IQCH: variants seen among roughly 807,000 people sequenced by gnomAD.
IQCH encodes the protein IQ motif containing H, also known as IQ domain-containing protein H.
In IQCH, 98 loss-of-function variants were observed where a neutral mutation model predicts 117.0. The ratio of observed to expected loss-of-function variants is 0.84; its 90% confidence interval spans 0.71 to 0.99. The LOEUF is 0.99. Ranked by LOEUF, IQCH falls within the 50% of genes least tolerant of loss-of-function variation. The pLI is 0.00. For synonymous variants in IQCH, 412 were observed against 448.2 expected (o/e 0.92, Z 1.02); for missense variants, 1,102 against 1,243.8 (o/e 0.89, Z 1.72).
rs1971679595 is a variant in IQCH at position 67,401,972 on chromosome 15, T to G, written c.2097+1667T>G. ...AAGTGTTAATGTGCAAAGTATTTGT[T>G]GGCTTCAGTATTTCAAACCAATAAT... On this transcript the variant is annotated intron_variant, in intron 14 of 20. Transcript: ENST00000335894. The surrounding 1 kb of genome is among the most constrained non-coding windows in gnomAD (Gnocchi z 4.7). Among the ~76,000 whole-genome samples, 1 of 152,200 alleles carries G rather than the reference T, an allele frequency of 6.6e-6. No homozygotes were observed. The highest frequency in any genetic ancestry group is 1.5e-5 in the Non-Finnish European group (1 of 68,034).
intron 4 of IQCH, among the ~76,000 whole-genome samples, chr15:67,316,739 A>C (rs532839712): frequency 6.6e-6 from 1 of 152,316 alleles, no homozygotes; most frequent in South Asian, 2.1e-4. Context: ...GCAGTTAAAT[A>C]AAATTCACCC....
chr15:67,303,620 A>G (rs1410105700), intron 4 of IQCH, among the ~76,000 whole-genome samples: 1 of 152,136 alleles, frequency 6.6e-6, no homozygotes, highest in Non-Finnish European at 1.5e-5. Context: ...AGGTGAAGTG[A>G]CTTACCCAAG....
chr15:67,285,523 G>T (rs1365653325), intron 4 of IQCH, among the ~76,000 whole-genome samples: 1 of 152,074 alleles, frequency 6.6e-6, no homozygotes, highest in Non-Finnish European at 1.5e-5. Context: ...TGAAATCTGT[G>T]CCCATGCCTA....
At chr15:67,307,924 T>G (rs1967382169) in intron 4 of IQCH, among the ~76,000 whole-genome samples, 1 of 152,150 alleles carries the variant, frequency 6.6e-6, no homozygotes, top group African/African-American at 2.4e-5. Flanking sequence ...ATCCAGTTCT[T>G]GTCATCTGGA....
rs529504663 is a variant in IQCH at position 67,484,673 on chromosome 15, G to A, written c.2800-5330G>A. ...GGAGAATTGCTTGAACTCAGCAGGC[G>A]GAGGTTGCAGTGAGCCGAGATCATG... is the stretch of plus-strand genomic sequence containing the variant. On this transcript the variant is annotated intron_variant, in intron 18 of 20. Transcript: ENST00000335894. 5.3e-5 allele frequency among the ~76,000 whole-genome samples: 8 copies of A among 151,488 alleles called. 1 individual carries two copies. Among genetic ancestry groups the A allele is most frequent in the Middle Eastern group, 6.8e-3 (2 of 292 alleles).
intron 4 of IQCH, among the ~76,000 whole-genome samples, chr15:67,292,062 T>G (rs1966768151): frequency 6.6e-6 from 1 of 152,058 alleles, no homozygotes; most frequent in African/African-American, 2.4e-5. Context: ...TGAGGGGGAT[T>G]AGTGCTCTTA....
rs111462965 is a variant in IQCH at position 67,454,882 on chromosome 15, G to A, written c.2506-10245G>A. ...AATGGACATTCATATAAAAGTGTTC[G>A]CATAAACATGTGTTTTCATTTGTCT... On this transcript the variant is annotated intron_variant, in intron 16 of 20. Coordinates refer to ENST00000335894, the MANE Select transcript of IQCH (RefSeq NM_001031715.3). This position sits in a 1 kb window ranked among gnomAD's most constrained non-coding sequence, Gnocchi z 5.2. Among the ~76,000 whole-genome samples, 5 of 152,132 alleles carry A rather than the reference G, an allele frequency of 3.3e-5. No individual in the cohort carries two copies. Among genetic ancestry groups the A allele is most frequent in the Admixed American group, 6.6e-5 (1 of 15,264 alleles).
chr15:67,379,829 C>T (rs1215478590), intron 10 of IQCH, among the ~76,000 whole-genome samples: 3 of 152,102 alleles, frequency 2.0e-5, no homozygotes, highest in Admixed American at 2.0e-4. Context: ...GTCAAATAAA[C>T]CTTTTTTCTT....
rs756930341 is a variant in IQCH at position 67,371,656 on chromosome 15, CG to C, written c.754-452del. On this transcript the variant is annotated intron_variant, in intron 8 of 20. Coordinates refer to ENST00000335894, the MANE Select transcript of IQCH (RefSeq NM_001031715.3). ...TTATGAAGTCAGAAACAATTTTTAA[CG>C]GGCACATTTGAAGTTATCCTAAGGA... The C allele has an allele frequency of 8.1e-5, 49 of 605,610 alleles. 1 individual carries two copies. The highest frequency in any genetic ancestry group is 1.3e-4 in the Non-Finnish European group (46 of 347,294). 37.5% of individuals were successfully genotyped at this position (605,610 alleles called of 1,614,324 possible).
Position 67,494,465 on chromosome 15 carries a change from T to A in IQCH, c.2970+99T>A, listed in dbSNP as rs76590759. The A allele has an allele frequency of 9.9e-5, 74 of 745,122 alleles. No individual in the cohort carries two copies. Among genetic ancestry groups the A allele is most frequent in the Non-Finnish European group, 1.5e-4 (69 of 454,490 alleles). 46.2% of individuals were successfully genotyped at this position (745,122 alleles called of 1,614,324 possible). ...AACAAGTGCTAAACCATCTTTTTTT[T>A]ATTGTAAGCAGTACATATTTTACAG... On this transcript the variant is annotated intron_variant, in intron 20 of 20. Coordinates refer to ENST00000335894, the MANE Select transcript of IQCH (RefSeq NM_001031715.3). The surrounding 1 kb of genome is among the most constrained non-coding windows in gnomAD (Gnocchi z 5.5).
At position 67,441,750 on chromosome 15, in the gene IQCH, G is replaced by A. The variant is rs187632209; in HGVS notation, c.2505+20173G>A. Reference sequence around the variant, plus strand: ...CAAAAATCAACTCAAGATAGATTAAGGACTTAAACCTTAGAACTAAAACTG... The same window carrying A: ...CAAAAATCAACTCAAGATAGATTAAAGACTTAAACCTTAGAACTAAAACTG... On this transcript the variant is annotated intron_variant, in intron 16 of 20. Transcript: ENST00000335894. Among the ~76,000 whole-genome samples, 761 of 152,226 alleles carry A rather than the reference G, an allele frequency of 5.0e-3. 4 individuals are homozygous for A. Among genetic ancestry groups the A allele is most frequent in the Non-Finnish European group, 6.5e-3 (439 of 68,010 alleles).
At chr15:67,434,664 A>G (rs1473774408) in intron 16 of IQCH, among the ~76,000 whole-genome samples, 3 of 152,190 alleles carry the variant, frequency 2.0e-5, no homozygotes, top group Non-Finnish European at 4.4e-5. Context: ...TAAGTTTTTG[A>G]GGAACCTCCA....
At chr15:67,378,474 G>T (rs1472425841) in intron 10 of IQCH, among the ~76,000 whole-genome samples, 2 of 148,340 alleles carry the variant, frequency 1.3e-5, no homozygotes, top group African/African-American at 5.0e-5. Flanking sequence ...CTTGGGATAG[G>T]TGTACTGCCA....
intron 20 of IQCH, among the ~76,000 whole-genome samples, chr15:67,499,905 C>T (rs1263130006): frequency 6.6e-6 from 1 of 152,090 alleles, no homozygotes; most frequent in Non-Finnish European, 1.5e-5. Flanking sequence ...ATGAAATGTG[C>T]AGAAGAGGTA....
chr15:67,479,685 G>A lies in IQCH; in HGVS notation c.2799+3867G>A, dbSNP rs892200780. On this transcript the variant is annotated intron_variant, in intron 18 of 20. Transcript: ENST00000335894. The surrounding 1 kb of genome is among the most constrained non-coding windows in gnomAD (Gnocchi z 4.6). ...AACAAGATCATTTACCTAAATTCCAGAGTAACCTGCTCCCACTCTTGGTTG... is the reference window on the plus strand; with the variant it reads ...AACAAGATCATTTACCTAAATTCCAAAGTAACCTGCTCCCACTCTTGGTTG... Among the ~76,000 whole-genome samples the A allele has an allele frequency of 9.2e-5, 14 of 152,176 alleles. No homozygotes were observed. The highest frequency in any genetic ancestry group is 3.1e-4 in the African/African-American group (13 of 41,436).
At chr15:67,455,096 G>A (rs1283028256) in intron 16 of IQCH, among the ~76,000 whole-genome samples, 2 of 152,236 alleles carry the variant, frequency 1.3e-5, no homozygotes, top group East Asian at 3.9e-4. Context: ...AACCATCCTT[G>A]TGGGTGTGAA....
intron 4 of IQCH, among the ~76,000 whole-genome samples, chr15:67,318,817 A>C (rs1967974882): frequency 6.6e-6 from 1 of 152,238 alleles, no homozygotes; most frequent in Admixed American, 6.5e-5. Flanking sequence ...AATGGTGCCA[A>C]GTCACTTGGC....
At chr15:67,346,845 C>T (rs944506570) in intron 6 of IQCH, among the ~76,000 whole-genome samples, 2 of 152,090 alleles carry the variant, frequency 1.3e-5, no homozygotes, top group African/African-American at 4.8e-5. Flanking sequence ...TAAAATCTTA[C>T]ACATTATGTT....
chr15:67,392,405 C>A (rs1426610662), intron 12 of IQCH, among the ~76,000 whole-genome samples: 1 of 152,162 alleles, frequency 6.6e-6, no homozygotes, highest in African/African-American at 2.4e-5. Flanking sequence ...AAAGACAAAC[C>A]TGCCAGGTGT....
Sources: allele counts gnomAD v4.1 joint callset (sites outside exome capture counted in the v4.1 genomes callset), GRCh38; gene constraint gnomAD v4.1.1; non-coding constraint Gnocchi (gnomAD v3.1); transcripts MANE v1.5; gene names NCBI Gene and HGNC (gene_info 2026-07-23, HGNC 2026-07-21).